Variants in TTLL11 observed in about 807,000 individuals in gnomAD.
TTLL11 encodes the protein tubulin tyrosine ligase like 11.
A neutral mutation model predicts 51.7 loss-of-function variants in TTLL11; 42 were observed. The ratio of observed to expected loss-of-function variants is 0.81; its 90% CI spans 0.64 to 1.05. TTLL11 has a LOEUF of 1.05. TTLL11 is among the 50% of genes least tolerant of loss of function. The probability of loss-of-function intolerance (pLI) is 0.00; values close to 1 mark genes in which losing one functional copy is unlikely to be tolerated. For missense variants in TTLL11, 799 were observed against 940.4 expected (o/e 0.85, Z 1.97); for synonymous variants, 381 against 383.5 (o/e 0.99, Z 0.08).
At chr9:122,031,905 T>C (rs1423508825) in intron 2 of TTLL11, 49 bp from the exon 3 acceptor site, 2 of 1,571,520 alleles carry the variant, frequency 1.3e-6, no homozygotes, top group Non-Finnish European at 1.7e-6. Context: ...GGCTACTAGC[T>C]ATAAAACAGC....
chr9:121,956,844 C>T (rs1047534040), intron 6 of TTLL11, among the ~76,000 whole-genome samples: 1 of 152,208 alleles, frequency 6.6e-6, no homozygotes, highest in Admixed American at 6.5e-5. Flanking sequence ...TGCCCACTAA[C>T]GTTTGGGAAG....
chr9:121,972,304 G>A (rs987803198), intron 6 of TTLL11, among the ~76,000 whole-genome samples: 4 of 152,182 alleles, frequency 2.6e-5, no homozygotes, highest in African/African-American at 9.7e-5. Flanking sequence ...GATTTTTGAG[G>A]AATGAGTTTT....
At chr9:121,926,608 G>A (rs951438416) in intron 6 of TTLL11, among the ~76,000 whole-genome samples, 4 of 152,178 alleles carry the variant, frequency 2.6e-5, no homozygotes, top group Non-Finnish European at 4.4e-5. Flanking sequence ...GCCCAGTCTC[G>A]GAGCTGCTTA....
intron 4 of TTLL11, among the ~76,000 whole-genome samples, chr9:121,983,885 T>C (rs1842879387): frequency 6.6e-6 from 1 of 152,094 alleles, no homozygotes; most frequent in South Asian, 2.1e-4. Context: ...TCTTAGTGGG[T>C]GCCCAGGGAA....
At chr9:121,888,994 G>A (rs1424400739) in intron 6 of TTLL11, among the ~76,000 whole-genome samples, 1 of 152,240 alleles carries the variant, frequency 6.6e-6, no homozygotes, top group African/African-American at 2.4e-5. Context: ...GCTCCCAAAT[G>A]CTAGAGCATG....
At chr9:121,876,923 T>C (rs921609865) in intron 6 of TTLL11, among the ~76,000 whole-genome samples, 3 of 152,178 alleles carry the variant, frequency 2.0e-5, no homozygotes, top group African/African-American at 7.2e-5. Flanking sequence ...GAATCACTGG[T>C]CTAGGTGAAA....
At chr9:121,962,138 T>C (rs1333078301) in intron 6 of TTLL11, among the ~76,000 whole-genome samples, 1 of 152,228 alleles carries the variant, frequency 6.6e-6, no homozygotes, top group African/African-American at 2.4e-5. Context: ...GAGAAGATTA[T>C]ACTATTTTTA....
At chr9:121,973,972 G>T (rs1199358234) in intron 6 of TTLL11, 37 bp downstream of exon 6, 2 of 1,494,990 alleles carry the variant, frequency 1.3e-6, no homozygotes, top group African/African-American at 1.4e-5. Flanking sequence ...TTAGGAGGCA[G>T]AGTTGATAGA....
intron 1 of TTLL11, among the ~76,000 whole-genome samples, chr9:122,089,035 A>G (rs1846196170): frequency 6.6e-6 from 1 of 150,936 alleles, no homozygotes; most frequent in Non-Finnish European, 1.5e-5. Context: ...AAAAAAAAAA[A>G]GTGAAAAAGG....
chr9:121,822,641 T>G lies in TTLL11; in HGVS notation c.2079A>C (p.Pro693=), dbSNP rs1414295139. The change falls in exon 9 of 9, where the codon CCA becomes CCC. Residue 693 remains proline, a synonymous_variant. Transcript: ENST00000321582. The surrounding 1 kb of genome is among the most constrained non-coding windows in gnomAD (Gnocchi z 5.8). ...PSAQPAGDNP[P]PRTSCANKLS... Reference sequence around the variant, plus strand: ...GCTTATTGGCACAGCTGGTGCGGGGTGGGGGGTTGTCCCCTGCTGGCTGGG... The same window carrying G: ...GCTTATTGGCACAGCTGGTGCGGGGGGGGGGGTTGTCCCCTGCTGGCTGGG... 3 of 1,456,330 alleles carry G rather than the reference T, an allele frequency of 2.1e-6. No homozygotes were observed. Among genetic ancestry groups the G allele is most frequent in the Admixed American group, 2.3e-5 (1 of 44,122 alleles). The allele number at this position is 1,456,330 out of a possible 1,614,324, so 90.2% of individuals were successfully genotyped here.
intron 4 of TTLL11, among the ~76,000 whole-genome samples, chr9:121,985,516 T>C (rs1170634738): frequency 1.4e-4 from 19 of 139,486 alleles, no homozygotes; most frequent in African/African-American, 5.2e-4. Flanking sequence ...TTCTTTTCTT[T>C]TTTTTTTTTT....
intron 6 of TTLL11, among the ~76,000 whole-genome samples, chr9:121,901,196 G>A (rs1839764680): frequency 6.6e-6 from 1 of 152,190 alleles, no homozygotes; most frequent in Non-Finnish European, 1.5e-5. Context: ...TTAGTATCCT[G>A]AAACTTTACT....
chr9:122,083,906 G>A (rs1211886487), intron 1 of TTLL11, among the ~76,000 whole-genome samples: 2 of 152,148 alleles, frequency 1.3e-5, no homozygotes, highest in Admixed American at 6.6e-5. Flanking sequence ...GAAAGGGAGG[G>A]GGATGGGGTA....
At chr9:121,944,514 A>C (rs1841598511) in intron 6 of TTLL11, among the ~76,000 whole-genome samples, 1 of 151,982 alleles carries the variant, frequency 6.6e-6, no homozygotes. Flanking sequence ...CTCAAAAAAA[A>C]AGGAAAAGAA....
At chr9:121,878,541 G>A (rs778582355) in intron 6 of TTLL11, among the ~76,000 whole-genome samples, 4 of 152,128 alleles carry the variant, frequency 2.6e-5, no homozygotes, top group South Asian at 2.1e-4. Context: ...TGCTGCAGGC[G>A]CATTTTCCTG....
intron 1 of TTLL11, among the ~76,000 whole-genome samples, chr9:122,071,765 G>A (rs1433899531): frequency 6.6e-6 from 1 of 152,152 alleles, no homozygotes; most frequent in African/African-American, 2.4e-5. Context: ...AGAGGGTTGC[G>A]GGAGACTCAG....
At chr9:121,860,963 C>T (rs1484529127) in intron 7 of TTLL11, among the ~76,000 whole-genome samples, 2 of 152,146 alleles carry the variant, frequency 1.3e-5, no homozygotes, top group Non-Finnish European at 2.9e-5. Context: ...GGCATGGAGC[C>T]ATGGTAGAGA....
Position 121,826,217 on chromosome 9 carries a change from T to TATATATATATATAC in TTLL11, c.1841-3339_1841-3338insGTATATATATATAT, listed in dbSNP as rs1491163835. 4.7e-3 allele frequency among the ~76,000 whole-genome samples: 274 copies of TATATATATATATAC among 58,070 alleles called. 22 individuals carry two copies. The Middle Eastern group carries it at 0.065, about 14-fold the overall frequency. 38.1% of individuals were successfully genotyped at this position (58,070 alleles called of 152,430 possible). On this transcript the variant is annotated intron_variant, in intron 8 of 8. Transcript: ENST00000321582. ...ATATATATATATATATATATATATA[T>TATATATATATATAC]GCACACATATATATATACACGCACA...
chr9:121,877,952 T>C (rs1838631166), intron 6 of TTLL11, among the ~76,000 whole-genome samples: 1 of 152,166 alleles, frequency 6.6e-6, no homozygotes, highest in African/African-American at 2.4e-5. Flanking sequence ...AACATCTCCT[T>C]TGACCCTAGC....
Sources: gnomAD v4.1 joint callset for allele counts (sites outside exome capture counted in the v4.1 genomes callset) on GRCh38, gnomAD v4.1.1 for gene constraint, Gnocchi (gnomAD v3.1) non-coding constraint, MANE v1.5 for transcripts, NCBI Gene and HGNC (gene_info 2026-07-23, HGNC 2026-07-21) for gene names.